The following CRYL1 variants were observed in gnomAD, a reference collection of about 807,000 sequenced individuals.
CRYL1 encodes lambda-crystallin homolog.
CRYL1 carries 29 observed loss-of-function variants against 36.6 expected under a neutral mutation model. The ratio of observed to expected loss-of-function variants is 0.79; its 90% CI spans 0.59 to 1.08. The LOEUF (loss-of-function observed/expected upper bound fraction) is 1.08, where lower values mean the gene tolerates loss of function less well. Among genes scored for constraint, CRYL1 ranks in the 50% least tolerant of loss-of-function variants. CRYL1 has a pLI of 0.00. For missense variants in CRYL1, 411 were observed against 407.9 expected (o/e 1.01, Z -0.06); for synonymous variants, 152 against 151.5 (o/e 1.00, Z -0.02).
chr13:20,507,779 G>A (rs765600691), intron 2 of CRYL1, among the ~76,000 whole-genome samples: 27 of 152,140 alleles, frequency 1.8e-4, no homozygotes, highest in East Asian at 7.7e-4. Context: ...TTAGCTGGGC[G>A]TGGTGGCGAG....
At chr13:20,452,825 C>T (rs1042365902) in intron 3 of CRYL1, among the ~76,000 whole-genome samples, 2 of 152,138 alleles carry the variant, frequency 1.3e-5, no homozygotes, top group Non-Finnish European at 2.9e-5. Context: ...TATGGGAAAT[C>T]TCTGTCCCTT....
In CRYL1 at chr13:20,497,542, CACA is replaced by C. The variant is rs1383230497; in HGVS notation, c.150-8049_150-8047del. Among the ~76,000 whole-genome samples, 3 of 145,862 alleles carry C rather than the reference CACA, an allele frequency of 2.1e-5. No individual in the cohort carries two copies. In the East Asian group the frequency reaches 6.5e-4, roughly 32 times the overall value. ...CACTAGACACCACACACCACACACA[CACA>C]ACTACACACACCACATATAGGCACT... On this transcript the variant is annotated intron_variant, in intron 2 of 7. Coordinates refer to ENST00000298248, the MANE Select transcript of CRYL1 (RefSeq NM_015974.3).
Position 20,524,867 on chromosome 13 carries a change from G to C in CRYL1, c.41+887C>G, listed in dbSNP as rs920570018. ...TCTCCACACCGGGTTGTACACTGAT[G>C]GGGGGCGGAGTCGGGGGCAGGCCAA... On this transcript the variant is annotated intron_variant, in intron 1 of 7. Coordinates refer to ENST00000298248, the MANE Select transcript of CRYL1 (RefSeq NM_015974.3). Among the ~76,000 whole-genome samples, 4 of 152,154 alleles carry C rather than the reference G, an allele frequency of 2.6e-5. No homozygotes were observed. The East Asian group carries it at 7.7e-4, about 29-fold the overall frequency.
Position 20,432,199 on chromosome 13 carries a change from ATCT to A in CRYL1, c.533_535del (p.Lys178del), listed in dbSNP as rs1283492734. The A allele has an allele frequency of 1.2e-6, 2 of 1,613,940 alleles. No individual in the cohort carries two copies. The highest frequency in any genetic ancestry group is 1.1e-5 in the South Asian group (1 of 91,078). On this transcript the variant is annotated inframe_deletion, in exon 5 of 8. Transcript: ENST00000298248. ...CTGGACTCGCATGGGGCACTGTCCA[ATCT>A]TCTTCATCAGGGCGTGGGTTCTGTC...
intron 3 of CRYL1, among the ~76,000 whole-genome samples, chr13:20,488,914 T>C (rs543072568): frequency 1.3e-5 from 2 of 152,378 alleles, no homozygotes; most frequent in East Asian, 3.8e-4. Flanking sequence ...GGATTTCTCT[T>C]TTTTAAAGTA....
chr13:20,517,452 G>A (rs964771746), intron 1 of CRYL1, among the ~76,000 whole-genome samples: 3 of 151,928 alleles, frequency 2.0e-5, no homozygotes, highest in Admixed American at 6.6e-5. Context: ...AAAATTAGCT[G>A]GGAGTGGTGG....
At chr13:20,434,933 C>T (rs1183336042) in intron 4 of CRYL1, among the ~76,000 whole-genome samples, 2 of 152,066 alleles carry the variant, frequency 1.3e-5, no homozygotes, top group African/African-American at 4.8e-5. Context: ...TTCTGCACTC[C>T]CTTCATGGGA....
At position 20,422,876 on chromosome 13, in the gene CRYL1, C is replaced by T. The variant is rs559598840; in HGVS notation, c.633+9226G>A. On this transcript the variant is annotated intron_variant, in intron 5 of 7. Transcript: ENST00000298248. ...CACTGAATCTGTAGATCACCTTGGG[C>T]AGTATGGACATTTTAACAATATTAA... 1.1e-4 allele frequency among the ~76,000 whole-genome samples: 16 copies of T among 152,304 alleles called. No individual in the cohort carries two copies. The East Asian group carries it at 2.9e-3, about 28-fold the overall frequency.
intron 2 of CRYL1, among the ~76,000 whole-genome samples, chr13:20,509,779 A>G (rs2137505983): frequency 6.6e-6 from 1 of 152,218 alleles, no homozygotes; most frequent in South Asian, 2.1e-4. Context: ...AATACAAAAA[A>G]ATTAGCTGGG....
At chr13:20,447,421 C>G (rs551143587) in intron 3 of CRYL1, among the ~76,000 whole-genome samples, 1 of 152,284 alleles carries the variant, frequency 6.6e-6, no homozygotes, top group African/African-American at 2.4e-5. Flanking sequence ...CTCCCCCTCG[C>G]CCCTACCCCA....
At chr13:20,426,218 A>G (rs2031931427) in intron 5 of CRYL1, among the ~76,000 whole-genome samples, 1 of 151,462 alleles carries the variant, frequency 6.6e-6, no homozygotes, top group African/African-American at 2.4e-5. Context: ...TGCAGTTACA[A>G]CCTATTGTTC....
intron 3 of CRYL1, among the ~76,000 whole-genome samples, chr13:20,470,875 A>G (rs1005910161): frequency 4.2e-5 from 6 of 143,720 alleles, no homozygotes; most frequent in African/African-American, 1.6e-4. Context: ...GTGCCACTGC[A>G]CTCCAGCCTG....
intron 5 of CRYL1, chr13:20,427,057 A>G (rs1274083508): frequency 1.0e-6 from 1 of 985,506 alleles, no homozygotes; most frequent in Non-Finnish European, 1.2e-6. Context: ...CCCTGCCCTC[A>G]TGGGAAAGAA....
In CRYL1 at chr13:20,512,687, T is replaced by C. The variant is rs41307597; in HGVS notation, c.42-137A>G. Reference sequence around the variant, plus strand: ...TCAATACATATCTTAAAAGTACACATTTTAGCCGGGCACAGAAAGACAAAT... The same window carrying C: ...TCAATACATATCTTAAAAGTACACACTTTAGCCGGGCACAGAAAGACAAAT... On this transcript the variant is annotated intron_variant, in intron 1 of 7. Transcript: ENST00000298248. 1.5e-3 allele frequency: 902 copies of C among 604,482 alleles called. 1 individual carries two copies. The highest frequency in any genetic ancestry group is 2.1e-3 in the Non-Finnish European group (722 of 348,084). 37.4% of individuals were successfully genotyped at this position (604,482 alleles called of 1,614,324 possible).
At chr13:20,454,038 G>A (rs78806340) in intron 3 of CRYL1, among the ~76,000 whole-genome samples, 1 of 152,178 alleles carries the variant, frequency 6.6e-6, no homozygotes, top group Non-Finnish European at 1.5e-5. Context: ...GAAAACTCCA[G>A]GCCCAGGGTT....
chr13:20,439,678 A>T lies in CRYL1; in HGVS notation c.353T>A (p.Ile118Asn), dbSNP rs747845402. Reference sequence around the variant, plus strand: ...GAGACAAGAAGTGGAACTGCTTAAGATCACTCGATCATCAATGATGGAATC... The same window carrying T: ...GAGACAAGAAGTGGAACTGCTTAAGTTCACTCGATCATCAATGATGGAATC... ...QLDSIIDDRV[I>N]LSSSTSCLMP... Residue 118 changes from isoleucine to asparagine, a missense_variant, in exon 4 of 8, where the codon ATC becomes AAC. Ile to Asn is a moderately radical substitution (Grantham distance 149). Coordinates refer to ENST00000298248, the MANE Select transcript of CRYL1 (RefSeq NM_015974.3). 5 of 1,614,104 alleles carry T rather than the reference A, an allele frequency of 3.1e-6. No individual in the cohort carries two copies. In the South Asian group the frequency reaches 5.5e-5, roughly 18 times the overall value.
intron 3 of CRYL1, among the ~76,000 whole-genome samples, chr13:20,475,129 A>G (rs1035366310): frequency 6.6e-6 from 1 of 152,162 alleles, no homozygotes; most frequent in African/African-American, 2.4e-5. Flanking sequence ...TCACCAGGCT[A>G]CAGGGACAGG....
At chr13:20,512,647 C>T (rs1286941437) in intron 1 of CRYL1, 97 bp from the exon 2 acceptor site, 1 of 817,860 alleles carries the variant, frequency 1.2e-6, no homozygotes, top group Non-Finnish European at 2.0e-6. Context: ...TCACAGTATC[C>T]TATTCTTAAA....
chr13:20,499,588 C>G (rs1351769170), intron 2 of CRYL1, among the ~76,000 whole-genome samples: 1 of 150,480 alleles, frequency 6.6e-6, no homozygotes, highest in Non-Finnish European at 1.5e-5. Context: ...GAGAGCAGAG[C>G]TTGCAGTGAG....
Sources: gnomAD v4.1 joint callset for allele counts (sites outside exome capture counted in the v4.1 genomes callset) on GRCh38, gnomAD v4.1.1 for gene constraint, MANE v1.5 for transcripts, NCBI Gene and HGNC (gene_info 2026-07-23, HGNC 2026-07-21) for gene names.